The following TJP1 variants were observed in gnomAD, a reference collection of about 807,000 sequenced individuals.
The protein encoded by TJP1 is tight junction protein 1, also known as tight junction protein ZO-1.
A neutral mutation model predicts 194.2 loss-of-function variants in TJP1; 43 were observed. The ratio of observed to expected loss-of-function variants is 0.22; its 90% CI spans 0.17 to 0.29. TJP1 has a LOEUF of 0.29. TJP1 is among the 10% of genes least tolerant of loss of function. TJP1 has a pLI of 1.00. For missense variants in TJP1, 1,971 were observed against 2,185.7 expected, an observed-to-expected ratio of 0.90 and a Z score of 1.96; for synonymous variants, 801 against 779.0, an observed-to-expected ratio of 1.03 and a Z score of -0.47.
At chr15:29,740,294 A>G (rs1216479973) in intron 10 of TJP1, among the ~76,000 whole-genome samples, 1 of 152,000 alleles carries the variant, frequency 6.6e-6, no homozygotes, top group Non-Finnish European at 1.5e-5. Flanking sequence ...GTCAATTTTC[A>G]ATTATTCACA....
chr15:29,934,189 A>G (rs1267589109), intron 2 of TJP1, among the ~76,000 whole-genome samples: 1 of 152,190 alleles, frequency 6.6e-6, no homozygotes, highest in Non-Finnish European at 1.5e-5. Context: ...TCCTTAAAAT[A>G]AGCAAAATAT....
intron 1 of TJP1, among the ~76,000 whole-genome samples, chr15:29,817,931 A>G (rs1016868305): frequency 6.6e-6 from 1 of 152,066 alleles, no homozygotes; most frequent in Non-Finnish European, 1.5e-5. Flanking sequence ...ATGGGTTCAT[A>G]GGTGCAGCAA....
At chr15:29,751,320 G>C (rs1555403239) in intron 8 of TJP1, among the ~76,000 whole-genome samples, 1 of 152,142 alleles carries the variant, frequency 6.6e-6, no homozygotes, top group Non-Finnish European at 1.5e-5. Flanking sequence ...CATGTAATCT[G>C]CTTTCTAAAA....
intron 8 of TJP1, among the ~76,000 whole-genome samples, chr15:29,746,117 G>A (rs1025842056): frequency 1.3e-5 from 2 of 152,194 alleles, no homozygotes; most frequent in East Asian, 1.9e-4. Flanking sequence ...AGTGGCTCAC[G>A]CCTGTAATCC....
rs1343519312 is a variant in TJP1 at position 29,734,296 on chromosome 15, T to C, written c.1494A>G (p.Ile498Met). ...CACCATCCTTCTTCTTCTGAGCCAA[T>C]ATGGTCACTTCTTCTCCTTTAGGGA... is the stretch of plus-strand genomic sequence containing the variant. ...LDLPKGEEVT[I>M]LAQKKKDVYR... The change falls in exon 12 of 28, where the codon ATA becomes ATG. Residue 498 changes from isoleucine (I) to methionine (M), a missense_variant. Coordinates refer to ENST00000614355, the MANE Select transcript of TJP1 (RefSeq NM_001330239.4). 6.2e-7 allele frequency: 1 copy of C among 1,610,672 alleles called. No homozygotes were observed. Among genetic ancestry groups the C allele is most frequent in the Non-Finnish European group, 8.5e-7 (1 of 1,178,822 alleles).
At chr15:29,730,099 T>C (rs960719097) in intron 15 of TJP1, among the ~76,000 whole-genome samples, 1 of 152,056 alleles carries the variant, frequency 6.6e-6, no homozygotes, top group Admixed American at 6.5e-5. Flanking sequence ...AAATATGCCA[T>C]TACCTATGAA....
chr15:29,830,797 C>T (rs920605483), intron 2 of TJP1, among the ~76,000 whole-genome samples: 1 of 151,914 alleles, frequency 6.6e-6, no homozygotes, highest in Non-Finnish European at 1.5e-5. Flanking sequence ...CTAGGAACAG[C>T]TGATTACAGG....
intron 2 of TJP1, among the ~76,000 whole-genome samples, chr15:29,948,667 A>G (rs2055369626): frequency 6.6e-6 from 1 of 152,144 alleles, no homozygotes; most frequent in Non-Finnish European, 1.5e-5. Flanking sequence ...TACGCAGAGG[A>G]GGGGAGATGC....
chr15:29,954,460 T>A (rs1195271287), intron 2 of TJP1, among the ~76,000 whole-genome samples: 1 of 152,252 alleles, frequency 6.6e-6, no homozygotes, highest in Non-Finnish European at 1.5e-5. Context: ...ATTTCCATTT[T>A]TATATTCCAA....
intron 2 of TJP1, among the ~76,000 whole-genome samples, chr15:29,861,316 CTCT>C (rs1426157259): frequency 6.6e-6 from 1 of 152,172 alleles, no homozygotes; most frequent in Non-Finnish European, 1.5e-5. Context: ...CTTACTATTG[CTCT>C]TCTTTTTGAT....
At chr15:29,835,096 A>G (rs143102225) in intron 2 of TJP1, among the ~76,000 whole-genome samples, 2 of 152,304 alleles carry the variant, frequency 1.3e-5, no homozygotes, top group East Asian at 3.9e-4. Context: ...GATGAATTCC[A>G]AGATCCTTTA....
At chr15:29,958,806 C>A (rs1360819294) in intron 1 of TJP1, among the ~76,000 whole-genome samples, 1 of 152,178 alleles carries the variant, frequency 6.6e-6, no homozygotes. Context: ...CAAAAAGCCC[C>A]ACCTTCCCTT....
chr15:29,922,373 T>A lies in TJP1; in HGVS notation c.306+33859A>T, dbSNP rs551815825. Among the ~76,000 whole-genome samples, 11 of 150,576 alleles carry A rather than the reference T, an allele frequency of 7.3e-5. No individual in the cohort carries two copies. In the East Asian group the frequency reaches 2.0e-3, roughly 28 times the overall value. ...ATTTGCAGAGTTGTGCAAATTAAAA[T>A]ATAAGAAATTAATGCAAAGGTCAGC... On this transcript the variant is annotated intron_variant, in intron 2 of 28. Coordinates refer to the TJP1 transcript ENST00000356107.
chr15:29,702,451 G>C (rs941359675), intron 27 of TJP1, among the ~76,000 whole-genome samples: 1 of 152,200 alleles, frequency 6.6e-6, no homozygotes, highest in African/African-American at 2.4e-5. Context: ...GTCCAAGCAA[G>C]CTGAGAGTCA....
In TJP1 at chr15:29,777,817, A is replaced by G. The variant is rs994848830; in HGVS notation, c.85-4460T>C. The stretch of plus-strand genomic sequence containing the variant: ...ACAAACGCACAAGGTTATTCATTGC[A>G]GACTGTTTGTAATTGCAAAATGCTG... On this transcript the variant is annotated intron_variant, in intron 2 of 27. Transcript: ENST00000614355. Among the ~76,000 whole-genome samples the G allele has an allele frequency of 3.3e-5, 5 of 152,212 alleles. No homozygotes were observed. The East Asian group carries it at 9.6e-4, about 29-fold the overall frequency.
At chr15:29,905,929 A>G (rs1289592110) in intron 2 of TJP1, among the ~76,000 whole-genome samples, 1 of 152,310 alleles carries the variant, frequency 6.6e-6, no homozygotes, top group Non-Finnish European at 1.5e-5. Context: ...TGATACTATA[A>G]TGGTGGATAT....
chr15:29,800,122 T>C (rs1259368931), intron 2 of TJP1, among the ~76,000 whole-genome samples: 1 of 152,232 alleles, frequency 6.6e-6, no homozygotes, highest in Non-Finnish European at 1.5e-5. Context: ...TTCAAATTGA[T>C]AGCAGTCTCA....
rs537092616 is a variant in TJP1 at position 29,840,477 on chromosome 15, A to T, written c.307-39775T>A. ...GTAGGTGAGGATAGACGAAGGGGCG[A>T]TAAGAAAGGGTGACGGAAGACAGGC... On this transcript the variant is annotated intron_variant, in intron 2 of 28. Coordinates refer to the TJP1 transcript ENST00000356107. Among the ~76,000 whole-genome samples, 34 of 152,308 alleles carry T rather than the reference A, an allele frequency of 2.2e-4. 1 individual carries two copies. Among genetic ancestry groups the T allele is most frequent in the African/African-American group, 7.7e-4 (32 of 41,558 alleles).
intron 8 of TJP1, among the ~76,000 whole-genome samples, chr15:29,747,964 C>A (rs2044920875): frequency 6.6e-6 from 1 of 152,156 alleles, no homozygotes; most frequent in Admixed American, 6.5e-5. Context: ...GGGACTCACA[C>A]CATTCTATTC....
Sources: allele counts gnomAD v4.1 joint callset (sites outside exome capture counted in the v4.1 genomes callset), GRCh38; gene constraint gnomAD v4.1.1; transcripts MANE v1.5; gene names NCBI Gene and HGNC (gene_info 2026-07-23, HGNC 2026-07-21).